The following STX8 variants were observed in gnomAD, a reference collection of about 807,000 sequenced individuals.
The protein encoded by STX8 is syntaxin-8.
Under a neutral mutation model 37.5 loss-of-function variants are expected in STX8, and 23 were observed. The ratio of observed to expected loss-of-function variants is 0.61; its 90% CI spans 0.44 to 0.87. The LOEUF (loss-of-function observed/expected upper bound fraction) is 0.87, where lower values mean the gene tolerates loss of function less well. STX8 is among the 40% of genes least tolerant of loss of function. The pLI, the probability that STX8 is intolerant of heterozygous loss-of-function variation, is 0.00. For synonymous variants in STX8, 115 were observed against 99.1 expected (o/e 1.16, Z -0.95); for missense variants, 313 against 284.7 (o/e 1.10, Z -0.71).
chr17:9,343,930 G>T (rs1446937758), intron 7 of STX8, among the ~76,000 whole-genome samples: 1 of 152,052 alleles, frequency 6.6e-6, no homozygotes, highest in African/African-American at 2.4e-5. Flanking sequence ...TTTCACCCAG[G>T]TTCCCTTAAC....
At chr17:9,407,569 G>A (rs1912844903) in intron 6 of STX8, among the ~76,000 whole-genome samples, 5 of 152,128 alleles carry the variant, frequency 3.3e-5, no homozygotes, top group Admixed American at 3.3e-4. Context: ...AGGTGGTTGG[G>A]GTGCAGCTTG....
At chr17:9,376,486 A>G (rs1250156338) in intron 7 of STX8, among the ~76,000 whole-genome samples, 7 of 150,606 alleles carry the variant, frequency 4.6e-5, no homozygotes, top group South Asian at 2.1e-4. Flanking sequence ...TCTGTAAAAT[A>G]GACCAATCAG....
At chr17:9,403,686 G>A (rs778536987) in intron 6 of STX8, among the ~76,000 whole-genome samples, 1 of 150,924 alleles carries the variant, frequency 6.6e-6, no homozygotes, top group Non-Finnish European at 1.5e-5. Flanking sequence ...TCGCTCTGTC[G>A]CCCAGGCTGG....
At chr17:9,559,734 T>TTATATATATA (rs1009971082) in intron 2 of STX8, among the ~76,000 whole-genome samples, 12 of 48,752 alleles carry the variant, frequency 2.5e-4, no homozygotes, top group African/African-American at 8.5e-4. Context: ...TATTATTATT[T>TTATATATATA]TATATATATA....
chr17:9,322,430 C>T (rs935383771), intron 7 of STX8, among the ~76,000 whole-genome samples: 1 of 152,200 alleles, frequency 6.6e-6, no homozygotes, highest in Non-Finnish European at 1.5e-5. Flanking sequence ...TTAGGACTCA[C>T]AGCTTGAAAG....
rs35962202 is a variant in STX8, at chr17:9,535,424, C to CTTTTTTTTT, written c.323+9739_323+9747dup. On this transcript the variant is annotated intron_variant, in intron 4 of 7. Coordinates refer to ENST00000306357, the MANE Select transcript of STX8 (RefSeq NM_004853.3). ...CATACCCTCTGACCCAGCCATCCTACTTTTTTTTTTTTTTTTTTTTTTTTT... is the reference window on the plus strand; with the variant it reads ...CATACCCTCTGACCCAGCCATCCTACTTTTTTTTTTTTTTTTTTTTTTTTTTTTTTTTTT... 2.7e-3 allele frequency among the ~76,000 whole-genome samples: 139 copies of CTTTTTTTTT among 51,566 alleles called. 25 individuals carry two copies. The highest frequency in any genetic ancestry group is 0.022 in the East Asian group (27 of 1,206). 33.8% of individuals were successfully genotyped at this position (51,566 alleles called of 152,430 possible).
rs529726599 is a variant in STX8, at chr17:9,513,137, TA to T, written c.324-7976del. Among the ~76,000 whole-genome samples, 34 of 152,152 alleles carry T rather than the reference TA, an allele frequency of 2.2e-4. No individual in the cohort carries two copies. In the South Asian group the frequency reaches 6.6e-3, roughly 30 times the overall value. ...GCAAACTGTTTATCCAACAGAGGAT[TA>T]ATATGCAAAATATGTAAGGAACTCA... On this transcript the variant is annotated intron_variant, in intron 4 of 7. Coordinates refer to ENST00000306357, the MANE Select transcript of STX8 (RefSeq NM_004853.3).
At chr17:9,440,968 GCCT>G (rs1321126594) in intron 6 of STX8, among the ~76,000 whole-genome samples, 1 of 152,012 alleles carries the variant, frequency 6.6e-6, no homozygotes, top group African/African-American at 2.4e-5. Context: ...ACCATGGCTG[GCCT>G]CCTCTCCATC....
intron 7 of STX8, among the ~76,000 whole-genome samples, chr17:9,371,157 A>G (rs762853152): frequency 9.2e-5 from 14 of 152,186 alleles, no homozygotes; most frequent in Non-Finnish European, 1.8e-4. Context: ...ATTCATAACT[A>G]GAAATTCTCT....
intron 6 of STX8, among the ~76,000 whole-genome samples, chr17:9,460,213 A>G (rs959904869): frequency 1.3e-5 from 2 of 152,222 alleles, no homozygotes; most frequent in African/African-American, 4.8e-5. Context: ...TTTCATAGTT[A>G]GGAAATGCTT....
At chr17:9,565,175 T>C (rs1210526692) in intron 2 of STX8, among the ~76,000 whole-genome samples, 1 of 152,124 alleles carries the variant, frequency 6.6e-6, no homozygotes. Flanking sequence ...GCCACTGCAC[T>C]CCAGCATGGG....
rs183292609 is a variant in STX8 at position 9,417,502 on chromosome 17, C to G, written c.542-38849G>C. On this transcript the variant is annotated intron_variant, in intron 6 of 7. Transcript: ENST00000306357. ...GTCCCCAGTTCCTGGCACAAAGCTCCTAAAACTCTTGTGATTTCCTTACTA... is the reference window on the plus strand; with the variant it reads ...GTCCCCAGTTCCTGGCACAAAGCTCGTAAAACTCTTGTGATTTCCTTACTA... Among the ~76,000 whole-genome samples the G allele has an allele frequency of 1.2e-3, 188 of 152,194 alleles. 2 individuals are homozygous for G. Among genetic ancestry groups the G allele is most frequent in the Admixed American group, 0.011 (169 of 15,278 alleles).
chr17:9,541,476 T>G (rs1382448638), intron 4 of STX8, among the ~76,000 whole-genome samples: 1 of 152,180 alleles, frequency 6.6e-6, no homozygotes, highest in East Asian at 1.9e-4. Flanking sequence ...TAACATCTTG[T>G]ATTTATAAAG....
At chr17:9,254,655 C>T (rs558277312) in intron 7 of STX8, among the ~76,000 whole-genome samples, 1 of 152,230 alleles carries the variant, frequency 6.6e-6, no homozygotes, top group South Asian at 2.1e-4. Flanking sequence ...CTGGGCCTCC[C>T]AAAGTGCTGG....
At chr17:9,533,234 G>A (rs756827550) in intron 4 of STX8, among the ~76,000 whole-genome samples, 4 of 152,164 alleles carry the variant, frequency 2.6e-5, no homozygotes, top group African/African-American at 7.2e-5. Flanking sequence ...TTCGGTGGCC[G>A]AGGCAGGTGG....
intron 7 of STX8, among the ~76,000 whole-genome samples, chr17:9,318,628 G>C (rs920151151): frequency 2.0e-5 from 3 of 152,066 alleles, no homozygotes; most frequent in African/African-American, 7.3e-5. Flanking sequence ...AATTGGACTC[G>C]TGTCAGAGTT....
intron 7 of STX8, among the ~76,000 whole-genome samples, chr17:9,288,675 A>AAAATAAAAT (rs756855709): frequency 2.0e-5 from 3 of 151,042 alleles, no homozygotes; most frequent in African/African-American, 7.3e-5. Flanking sequence ...ATAAATAAAT[A>AAAATAAAAT]AAATAAATAA....
chr17:9,413,446 T>TA (rs1172059518), intron 6 of STX8, among the ~76,000 whole-genome samples: 5 of 152,178 alleles, frequency 3.3e-5, no homozygotes, highest in African/African-American at 1.2e-4. Flanking sequence ...GCTGTGAACG[T>TA]AAAGGAGACC....
intron 7 of STX8, among the ~76,000 whole-genome samples, chr17:9,253,398 T>A (rs1391301935): frequency 6.6e-6 from 1 of 152,122 alleles, no homozygotes; most frequent in Non-Finnish European, 1.5e-5. Flanking sequence ...CATCTTCAGG[T>A]TGACCAAAAG....
Sources: allele counts gnomAD v4.1 joint callset (sites outside exome capture counted in the v4.1 genomes callset), GRCh38; gene constraint gnomAD v4.1.1; transcripts MANE v1.5; gene names NCBI Gene and HGNC (gene_info 2026-07-23, HGNC 2026-07-21).